SCARB2: variants seen among roughly 807,000 people sequenced by gnomAD.
SCARB2 encodes scavenger receptor class B member 2.
A neutral mutation model predicts 58.6 loss-of-function variants in SCARB2; 29 were observed. The observed-to-expected ratio is 0.49, with a 90% CI of 0.37 to 0.67. The LOEUF is 0.67. SCARB2 is among the 30% of genes least tolerant of loss of function. The pLI is 0.00. For synonymous variants in SCARB2, 195 were observed against 210.1 expected (o/e 0.93, Z 0.62); for missense variants, 488 against 578.5 (o/e 0.84, Z 1.60).
Position 76,213,485 on chromosome 4 carries a change from C to G in SCARB2, c.59G>C (p.Ser20Thr). Residue 20 changes from serine (S) to threonine (T), a missense_variant, in exon 1 of 12, where the codon AGC becomes ACC. Physicochemically the swap from Ser to Thr is moderately conservative, Grantham distance 58. Transcript: ENST00000264896. ...GACCCGGGCCACCAGCAGCGTGACGCTGGTCACCAGCAGGAGCAGGGACAA... is the reference window on the plus strand; with the variant it reads ...GACCCGGGCCACCAGCAGCGTGACGGTGGTCACCAGCAGGAGCAGGGACAA... ...GTLSLLLLVT[S>T]VTLLVARVFQ... is the part of the protein sequence containing the mutation. The G allele has an allele frequency of 6.2e-7, 1 of 1,611,354 alleles. No individual in the cohort carries two copies. Among genetic ancestry groups the G allele is most frequent in the Non-Finnish European group, 8.5e-7 (1 of 1,178,882 alleles).
At chr4:76,178,675 T>C (rs1408089199) in intron 4 of SCARB2, among the ~76,000 whole-genome samples, 1 of 152,240 alleles carries the variant, frequency 6.6e-6, no homozygotes, top group Non-Finnish European at 1.5e-5. Context: ...AACTCCTGCC[T>C]GGTCTGCTTC....
chr4:76,166,586 C>A, intron 9 of SCARB2: 1 of 504,476 alleles, frequency 2.0e-6, no homozygotes, highest in East Asian at 3.6e-5. Flanking sequence ...CTCCAGTCGA[C>A]AGAACAAAAC....
In SCARB2 at chr4:76,176,220, A is replaced by C. The variant is rs28563976; in HGVS notation, c.704+217T>G. 0.16 allele frequency: 94,656 copies of C among 603,362 alleles called. 8,948 individuals are homozygous for C. Among genetic ancestry groups the C allele is most frequent in the East Asian group, 0.34 (12,269 of 35,932 alleles). The allele number at this position is 603,362 out of a possible 1,614,324, so 37.4% of individuals were successfully genotyped here. On this transcript the variant is annotated intron_variant, in intron 5 of 11. Transcript: ENST00000264896. ...GGGACTTTTCACTGGCCTGTAATTC[A>C]TGCCTGGCCATGATAAATCTACAAA...
chr4:76,174,873 T>G (rs567050403), intron 6 of SCARB2: 1 of 163,234 alleles, frequency 6.1e-6, no homozygotes, highest in Non-Finnish European at 1.3e-5. Flanking sequence ...TCAACGTAAT[T>G]CTGCCTTTCA....
intron 1 of SCARB2, among the ~76,000 whole-genome samples, chr4:76,198,503 C>A (rs1435554975): frequency 2.6e-5 from 4 of 152,220 alleles, no homozygotes; most frequent in Non-Finnish European, 4.4e-5. Flanking sequence ...GTACATTTGA[C>A]TTCTTAATGA....
chr4:76,213,814 C>T lies in SCARB2; in HGVS notation c.-271G>A, dbSNP rs1384611865. On this transcript the variant is annotated 5_prime_UTR_variant, in exon 1 of 12. Coordinates refer to ENST00000264896, the MANE Select transcript of SCARB2 (RefSeq NM_005506.4). The stretch of plus-strand genomic sequence containing the variant: ...CAGCCGTGGCGCCCGCCTAGCGCAG[C>T]TCGGGAGAGTGCAGGGAGCGCGCAG... 1.2e-5 allele frequency: 4 copies of T among 344,200 alleles called. No individual in the cohort carries two copies. Among genetic ancestry groups the T allele is most frequent in the Non-Finnish European group, 2.1e-5 (4 of 190,682 alleles). The allele number at this position is 344,200 out of a possible 1,614,324, so 21.3% of individuals were successfully genotyped here.
Position 76,169,967 on chromosome 4 carries a change from G to C in SCARB2, c.1013C>G (p.Ser338Cys). Residue 338 changes from serine to cysteine, a missense_variant, in exon 8 of 12, where the codon TCT becomes TGT. Ser to Cys is a moderately radical substitution (Grantham distance 112, BLOSUM62 -1). Transcript: ENST00000264896. ...ATCTGCTTGGTAAAAGTGTGGGAAA[G>C]ACATAATGATGGGTGCACCTGCATT... ...ICKNGAPIIM[S>C]FPHFYQADER... 1 of 1,613,852 alleles carries C rather than the reference G, an allele frequency of 6.2e-7. No homozygotes were observed. The highest frequency in any genetic ancestry group is 8.5e-7 in the Non-Finnish European group (1 of 1,179,818).
At chr4:76,196,854 T>C (rs1423185352) in intron 1 of SCARB2, among the ~76,000 whole-genome samples, 1 of 152,138 alleles carries the variant, frequency 6.6e-6, no homozygotes, top group Non-Finnish European at 1.5e-5. Context: ...CCCCCCATAC[T>C]CTAAATTCCT....
At chr4:76,223,253 A>C (rs1428873087) in intron 1 of SCARB2, among the ~76,000 whole-genome samples, 1 of 152,180 alleles carries the variant, frequency 6.6e-6, no homozygotes, top group Non-Finnish European at 1.5e-5. Context: ...TGTTCCCTCC[A>C]AACACATACA....
intron 9 of SCARB2, among the ~76,000 whole-genome samples, chr4:76,167,890 C>T (rs1732047622): frequency 6.6e-6 from 1 of 152,032 alleles, no homozygotes; most frequent in Admixed American, 6.6e-5. Flanking sequence ...CCATGTTGGC[C>T]AGGATGGTCT....
At chr4:76,229,969 G>A (rs1024094938) in intron 1 of SCARB2, among the ~76,000 whole-genome samples, 4 of 152,188 alleles carry the variant, frequency 2.6e-5, no homozygotes, top group Non-Finnish European at 4.4e-5. Context: ...ATGATCTCCA[G>A]CCAGGAGGTG....
intron 2 of SCARB2, chr4:76,193,124 G>A (rs1732640235): frequency 6.6e-6 from 1 of 152,420 alleles, no homozygotes; most frequent in African/African-American, 2.4e-5. Flanking sequence ...CTCCAGACAT[G>A]GCTCAAAGGG....
At chr4:76,231,539 C>G (rs1433894101) in intron 1 of SCARB2, among the ~76,000 whole-genome samples, 1 of 152,176 alleles carries the variant, frequency 6.6e-6, no homozygotes, top group East Asian at 1.9e-4. Context: ...AACAAACAAA[C>G]AAACAAATCA....
In SCARB2 at chr4:76,195,801, A is replaced by G. The variant is rs771021916; in HGVS notation, c.181T>C (p.Tyr61His). ...ACATTGAAGAAATAGAACTGAGTATACACAGGCAGAGGGGGCTTCTCCCAG... is the reference window on the plus strand; with the variant it reads ...ACATTGAAGAAATAGAACTGAGTATGCACAGGCAGAGGGGGCTTCTCCCAG... ...DSWEKPPLPV[Y>H]TQFYFFNVTN... The change falls in exon 2 of 12, where the codon TAT (tyrosine) becomes CAT (histidine). Residue 61 changes from tyrosine (Y) to histidine (H), a missense_variant. By Grantham distance (83) the Tyr-to-His change is moderately conservative. Coordinates refer to ENST00000264896, the MANE Select transcript of SCARB2 (RefSeq NM_005506.4). 1 of 1,613,768 alleles carries G rather than the reference A, an allele frequency of 6.2e-7. No homozygotes were observed. The highest frequency in any genetic ancestry group is 8.5e-7 in the Non-Finnish European group (1 of 1,179,618).
chr4:76,215,746 A>T (rs1173195310), upstream of SCARB2, among the ~76,000 whole-genome samples: 1 of 152,090 alleles, frequency 6.6e-6, no homozygotes, highest in Non-Finnish European at 1.5e-5. Flanking sequence ...AGAACATGGG[A>T]AAGACTGTGG....
At chr4:76,224,440 C>T (rs961811113) in intron 1 of SCARB2, among the ~76,000 whole-genome samples, 4 of 152,278 alleles carry the variant, frequency 2.6e-5, no homozygotes, top group African/African-American at 9.6e-5. Flanking sequence ...GGTTCACTCC[C>T]AAGTCCTTAA....
intron 4 of SCARB2, among the ~76,000 whole-genome samples, chr4:76,177,516 C>T (rs561989857): frequency 1.3e-5 from 2 of 152,262 alleles, no homozygotes; most frequent in South Asian, 2.1e-4. Flanking sequence ...TATGTATATA[C>T]TCAAGAGAAT....
intron 1 of SCARB2, among the ~76,000 whole-genome samples, chr4:76,223,235 TA>T (rs1733340181): frequency 6.6e-6 from 1 of 152,184 alleles, no homozygotes; most frequent in African/African-American, 2.4e-5. Context: ...GCAAGTGGCT[TA>T]ACCAAGTGTT....
chr4:76,215,399 T>C (rs1351760819), upstream of SCARB2, among the ~76,000 whole-genome samples: 1 of 152,014 alleles, frequency 6.6e-6, no homozygotes, highest in Non-Finnish European at 1.5e-5. Context: ...ACTCTGCGCA[T>C]TGCTGCATCC....
Sources: allele counts gnomAD v4.1 joint callset (sites outside exome capture counted in the v4.1 genomes callset), GRCh38; gene constraint gnomAD v4.1.1; transcripts MANE v1.5; gene names NCBI Gene and HGNC (gene_info 2026-07-23, HGNC 2026-07-21).